Variants in NXPH1 observed in about 807,000 individuals in gnomAD.
The protein encoded by NXPH1 is neurexophilin 1.
A neutral mutation model predicts 23.7 loss-of-function variants in NXPH1; 5 were observed. The observed-to-expected ratio is 0.21, with a 90% confidence interval of 0.11 to 0.44. The LOEUF is 0.44. Among genes scored for constraint, NXPH1 ranks in the 20% least tolerant of loss-of-function variants. The pLI is 0.99. For synonymous variants in NXPH1, 144 were observed against 122.2 expected (o/e 1.18, Z -1.18); for missense variants, 324 against 321.6 (o/e 1.01, Z -0.06).
chr7:8,581,550 C>T (rs546090995), intron 2 of NXPH1, among the ~76,000 whole-genome samples: 4 of 152,312 alleles, frequency 2.6e-5, no homozygotes, highest in South Asian at 4.1e-4. Context: ...CCAATCACCT[C>T]TCACCAGGCC....
At position 8,539,825 on chromosome 7, in the gene NXPH1, T is replaced by C. The variant is rs542300926; in HGVS notation, c.54+104058T>C. Among the ~76,000 whole-genome samples the C allele has an allele frequency of 2.6e-5, 4 of 151,930 alleles. 1 individual carries two copies. Among genetic ancestry groups the C allele is most frequent in the East Asian group, 1.9e-4 (1 of 5,132 alleles). ...ATTGTTTTACTATACTTTTCTTACATTGAGTGCAGGAATTGAGTTTTTCTC... is the reference window on the plus strand; with the variant it reads ...ATTGTTTTACTATACTTTTCTTACACTGAGTGCAGGAATTGAGTTTTTCTC... On this transcript the variant is annotated intron_variant, in intron 2 of 2. Transcript: ENST00000405863.
intron 2 of NXPH1, among the ~76,000 whole-genome samples, chr7:8,682,021 A>G (rs144473322): frequency 1.3e-5 from 2 of 152,312 alleles, no homozygotes; most frequent in East Asian, 3.9e-4. Flanking sequence ...AAACAGGAGG[A>G]GGAAGAGAAG....
At chr7:8,618,950 T>C (rs1444616742) in intron 2 of NXPH1, among the ~76,000 whole-genome samples, 1 of 152,190 alleles carries the variant, frequency 6.6e-6, no homozygotes, top group Admixed American at 6.5e-5. Context: ...AAGAATCTGG[T>C]AGAAGATGAA....
intron 2 of NXPH1, among the ~76,000 whole-genome samples, chr7:8,576,571 G>A (rs778158534): frequency 1.3e-5 from 2 of 152,136 alleles, no homozygotes; most frequent in Non-Finnish European, 2.9e-5. Context: ...ACTGAAGGAA[G>A]GCTGCAGCCT....
intron 2 of NXPH1, among the ~76,000 whole-genome samples, chr7:8,487,106 A>G (rs1204771261): frequency 2.0e-5 from 3 of 152,172 alleles, no homozygotes; most frequent in African/African-American, 7.2e-5. Context: ...TTTTGAATGA[A>G]TATGTAATCT....
intron 2 of NXPH1, among the ~76,000 whole-genome samples, chr7:8,728,917 C>G (rs1780102589): frequency 6.7e-6 from 1 of 149,900 alleles, no homozygotes. Context: ...AGGAATGGTA[C>G]CAGTTCCTCC....
At chr7:8,580,808 C>A (rs1818853426) in intron 2 of NXPH1, among the ~76,000 whole-genome samples, 2 of 152,004 alleles carry the variant, frequency 1.3e-5, no homozygotes, top group South Asian at 2.1e-4. Flanking sequence ...CCTTCCAGAG[C>A]AATTAGGGCA....
At chr7:8,577,596 A>G (rs1049950535) in intron 2 of NXPH1, among the ~76,000 whole-genome samples, 3 of 152,212 alleles carry the variant, frequency 2.0e-5, no homozygotes, top group African/African-American at 7.2e-5. Context: ...CACACTGTGC[A>G]TGAGGCACTG....
At position 8,632,336 on chromosome 7, in the gene NXPH1, G is replaced by T. The variant is rs565001702; in HGVS notation, c.55-118672G>T. ...GTAGTTTTCTATCAATATTTTATAC[G>T]TTGATTGCAATTTACTTCTATATTG... On this transcript the variant is annotated intron_variant, in intron 2 of 2. Coordinates refer to ENST00000405863, the MANE Select transcript of NXPH1 (RefSeq NM_152745.3). 5.3e-5 allele frequency among the ~76,000 whole-genome samples: 8 copies of T among 151,942 alleles called. 1 individual carries two copies. The highest frequency in any genetic ancestry group is 1.0e-4 in the Non-Finnish European group (7 of 67,978).
chr7:8,438,220 G>A (rs977843441), intron 2 of NXPH1, among the ~76,000 whole-genome samples: 1 of 152,202 alleles, frequency 6.6e-6, no homozygotes, highest in Non-Finnish European at 1.5e-5. Flanking sequence ...AACCGATCAA[G>A]AAGTGATCAA....
intron 2 of NXPH1, among the ~76,000 whole-genome samples, chr7:8,732,008 G>T (rs1426491322): frequency 6.6e-6 from 1 of 152,234 alleles, no homozygotes; most frequent in South Asian, 2.1e-4. Context: ...GCGGGCATAG[G>T]ACCCTCCGAG....
intron 2 of NXPH1, among the ~76,000 whole-genome samples, chr7:8,502,216 T>A (rs1445267718): frequency 2.0e-5 from 3 of 152,058 alleles, no homozygotes; most frequent in Non-Finnish European, 4.4e-5. Flanking sequence ...GAGTATACAT[T>A]TTTTAAATGT....
In NXPH1 at chr7:8,662,130, A is replaced by G. The variant is rs572365503; in HGVS notation, c.55-88878A>G. 2.6e-5 allele frequency among the ~76,000 whole-genome samples: 4 copies of G among 151,908 alleles called. No homozygotes were observed. In the South Asian group the frequency reaches 6.2e-4, roughly 24 times the overall value. On this transcript the variant is annotated intron_variant, in intron 2 of 2. Transcript: ENST00000405863. ...TGCTTTGGCTCACATTTCTAGTTTA[A>G]ATGATTATTGCATATATTTTTGAGA...
At chr7:8,741,762 C>T (rs557962073) in intron 2 of NXPH1, among the ~76,000 whole-genome samples, 3 of 152,132 alleles carry the variant, frequency 2.0e-5, no homozygotes, top group South Asian at 4.2e-4. Context: ...TCTCTGAGTG[C>T]CATGTGTCCC....
At chr7:8,605,297 A>G (rs7798537) in intron 2 of NXPH1, among the ~76,000 whole-genome samples, 1,647 of 152,298 alleles carry the variant, frequency 0.011, 29 homozygotes, top group African/African-American at 0.038. Flanking sequence ...CCTAAAACCT[A>G]TAATAATGGT....
chr7:8,584,246 A>G (rs143735705), intron 2 of NXPH1, among the ~76,000 whole-genome samples: 1 of 152,262 alleles, frequency 6.6e-6, no homozygotes, highest in Non-Finnish European at 1.5e-5. Context: ...CAGACTGTAG[A>G]GCCTGTAATC....
chr7:8,526,821 G>T (rs1817868717), intron 2 of NXPH1, among the ~76,000 whole-genome samples: 1 of 152,136 alleles, frequency 6.6e-6, no homozygotes, highest in Admixed American at 6.5e-5. Context: ...TTTCTTACCA[G>T]TCTTGGCTAT....
At chr7:8,739,467 T>A (rs1016746381) in intron 2 of NXPH1, among the ~76,000 whole-genome samples, 7 of 152,062 alleles carry the variant, frequency 4.6e-5, no homozygotes, top group Non-Finnish European at 7.4e-5. Flanking sequence ...TTGCCTTCCA[T>A]GGGCTGCACG....
At chr7:8,733,623 T>C (rs779260052) in intron 2 of NXPH1, among the ~76,000 whole-genome samples, 2 of 152,238 alleles carry the variant, frequency 1.3e-5, no homozygotes, top group Admixed American at 6.5e-5. Flanking sequence ...TGCATTTCTC[T>C]AATGACCAGT....
Sources: allele counts gnomAD v4.1 joint callset (sites outside exome capture counted in the v4.1 genomes callset), GRCh38; gene constraint gnomAD v4.1.1; transcripts MANE v1.5; gene names NCBI Gene and HGNC (gene_info 2026-07-23, HGNC 2026-07-21).